The following GLRX5 variants were observed in gnomAD, a reference collection of about 807,000 sequenced individuals.
GLRX5 encodes the protein glutaredoxin 5.
GLRX5 carries 10 observed loss-of-function variants against 13.8 expected under a neutral mutation model. The observed-to-expected ratio is 0.72, with a 90% CI of 0.45 to 1.23. GLRX5 has a LOEUF of 1.23. Ranked by LOEUF, GLRX5 falls within the 50% of genes most tolerant of loss-of-function variation. The pLI, the probability that GLRX5 is intolerant of heterozygous loss-of-function variation, is 0.00. For synonymous variants in GLRX5, 98 were observed against 101.1 expected (o/e 0.97, Z 0.18); for missense variants, 233 against 215.2 (o/e 1.08, Z -0.52).
chr14:95,537,182 C>G (rs1437449008), intron 1 of GLRX5, among the ~76,000 whole-genome samples: 1 of 152,136 alleles, frequency 6.6e-6, no homozygotes, highest in African/African-American at 2.4e-5. Context: ...TTTATTTTCT[C>G]TTGTTTAATA....
rs1891344853 is a variant in GLRX5, at chr14:95,535,289, G to A, written c.200G>A (p.Cys67Tyr). 1 of 1,565,800 alleles carries A rather than the reference G, an allele frequency of 6.4e-7. No homozygotes were observed. The highest frequency in any genetic ancestry group is 2.3e-5 in the East Asian group (1 of 43,074). ...FLKGTPEQPQ[C>Y]GFSNAVVQIL... ...AAGGGGACGCCGGAGCAGCCCCAGT[G>A]CGGCTTCAGCAACGCCGTGGTGCAG... Residue 67 changes from cysteine (C) to tyrosine (Y), a missense_variant, in exon 1 of 2, where the codon TGC becomes TAC. By Grantham distance (194) the Cys-to-Tyr change is radical. Transcript: ENST00000331334.
intron 1 of GLRX5, among the ~76,000 whole-genome samples, chr14:95,540,741 C>T (rs1313914157): frequency 6.6e-6 from 1 of 152,214 alleles, no homozygotes; most frequent in South Asian, 2.1e-4. Context: ...TCTGAAGCTA[C>T]TGTAGTGAGG....
chr14:95,541,360 T>C (rs1274643544), intron 1 of GLRX5, among the ~76,000 whole-genome samples: 1 of 152,224 alleles, frequency 6.6e-6, no homozygotes, highest in Non-Finnish European at 1.5e-5. Context: ...TAGGAAGCAA[T>C]TGGGTATTTC....
At position 95,543,978 on chromosome 14, in the gene GLRX5, C is replaced by T; in HGVS notation, c.327C>T (p.Ile109=). 1.2e-6 allele frequency: 2 copies of T among 1,614,050 alleles called. No homozygotes were observed. The highest frequency in any genetic ancestry group is 1.7e-6 in the Non-Finnish European group (2 of 1,179,880). ...GIKDYSNWPT[I]PQVYLNGEFV... ...AAGACTATTCCAACTGGCCCACCATCCCGCAAGTGTACCTCAATGGCGAGT... is the reference window on the plus strand; with the variant it reads ...AAGACTATTCCAACTGGCCCACCATTCCGCAAGTGTACCTCAATGGCGAGT... The change falls in exon 2 of 2, where the codon ATC becomes ATT. Residue 109 remains isoleucine, a synonymous_variant. Coordinates refer to ENST00000331334, the MANE Select transcript of GLRX5 (RefSeq NM_016417.3).
intron 1 of GLRX5, 110 bp downstream of exon 1, chr14:95,535,494 G>T: frequency 1.8e-6 from 2 of 1,097,102 alleles, no homozygotes; most frequent in South Asian, 1.4e-5. Flanking sequence ...TCCATCCGCC[G>T]GGGTCTGTCT....
intron 1 of GLRX5, among the ~76,000 whole-genome samples, chr14:95,536,744 T>C (rs562478981): frequency 6.6e-6 from 1 of 152,340 alleles, no homozygotes; most frequent in Non-Finnish European, 1.5e-5. Context: ...TTGATGGTTT[T>C]CAAATGTATT....
Position 95,544,071 on chromosome 14 carries a change from G to A in GLRX5, c.420G>A (p.Lys140=), listed in dbSNP as rs1353083317. 6.2e-7 allele frequency: 1 copy of A among 1,614,062 alleles called. No individual in the cohort carries two copies. The highest frequency in any genetic ancestry group is 1.1e-5 in the South Asian group (1 of 91,086). The part of the protein sequence containing the change: ...QNGDLVEELK[K]LGIHSALLDE... ...GGGACTTGGTGGAAGAACTGAAAAA[G>A]CTGGGGATCCACTCCGCCCTTTTAG... is the stretch of plus-strand genomic sequence containing the variant. Residue 140 remains lysine, a synonymous_variant, in exon 2 of 2, where the codon AAG becomes AAA. Coordinates refer to ENST00000331334, the MANE Select transcript of GLRX5 (RefSeq NM_016417.3).
In GLRX5 at chr14:95,544,236, CT is replaced by C. The variant is rs2139652121; in HGVS notation, c.*112del. 1 of 831,124 alleles carries C rather than the reference CT, an allele frequency of 1.2e-6. No homozygotes were observed. The highest frequency in any genetic ancestry group is 2.7e-5 in the East Asian group (1 of 37,522). The allele number at this position is 831,124 out of a possible 1,614,324, so 51.5% of individuals were successfully genotyped here. A position where few individuals can be genotyped will look rare whatever the true frequency, so the allele number is the denominator to read the frequency against. On this transcript the variant is annotated 3_prime_UTR_variant, in exon 2 of 2. Transcript: ENST00000331334. The stretch of plus-strand genomic sequence containing the variant: ...ACTATTGAGACCGCAACTGCTTGCA[CT>C]GATCATTTTGGTTCGTGAGCAGTTG...
rs561034641 is a variant in GLRX5 at position 95,535,401 on chromosome 14, G to A, written c.295+17G>A. ...TCCGACAAGGTCAGGCCAGTGTGCCGGGCAGGCGCCCTCCGCCCCGGGCCC... is the reference window on the plus strand; with the variant it reads ...TCCGACAAGGTCAGGCCAGTGTGCCAGGCAGGCGCCCTCCGCCCCGGGCCC... On this transcript the variant is annotated intron_variant, in intron 1 of 1. Coordinates refer to ENST00000331334, the MANE Select transcript of GLRX5 (RefSeq NM_016417.3). 4.7e-5 allele frequency: 72 copies of A among 1,543,824 alleles called. No individual in the cohort carries two copies. The African/African-American group carries it at 9.0e-4, about 19-fold the overall frequency.
At chr14:95,543,575 A>G (rs1470401479) in intron 1 of GLRX5, 3 of 315,726 alleles carry the variant, frequency 9.5e-6, no homozygotes, top group East Asian at 1.6e-4. Flanking sequence ...ATCTTATGTG[A>G]CTTGCATTAC....
Position 95,544,196 on chromosome 14 carries a change from C to A in GLRX5, c.*71C>A. 7.0e-7 allele frequency: 1 copy of A among 1,419,342 alleles called. No homozygotes were observed. Among genetic ancestry groups the A allele is most frequent in the Non-Finnish European group, 9.8e-7 (1 of 1,018,958 alleles). The allele number at this position is 1,419,342 out of a possible 1,614,324, so 87.9% of individuals were successfully genotyped here. A position where few individuals can be genotyped will look rare whatever the true frequency, so the allele number is the denominator to read the frequency against. ...GAGACTCACTGCCAGAAAAGCCTTA[C>A]CCATTTTGGTTTTCACTATTGAGAC... On this transcript the variant is annotated 3_prime_UTR_variant, in exon 2 of 2. Coordinates refer to ENST00000331334, the MANE Select transcript of GLRX5 (RefSeq NM_016417.3).
chr14:95,540,282 A>G lies in GLRX5; in HGVS notation c.296-3665A>G, dbSNP rs182610231. Among the ~76,000 whole-genome samples the G allele has an allele frequency of 1.6e-3, 239 of 152,292 alleles. 1 individual carries two copies. The highest frequency in any genetic ancestry group is 5.7e-3 in the African/African-American group (236 of 41,548). On this transcript the variant is annotated intron_variant, in intron 1 of 1. Coordinates refer to ENST00000331334, the MANE Select transcript of GLRX5 (RefSeq NM_016417.3). The stretch of plus-strand genomic sequence containing the variant: ...TTTCTGTTGCCTTTCTCAGAAAAGC[A>G]TTACTGTGAAGGGTGGGTGGTGGAG...
Position 95,544,142 on chromosome 14 carries a change from G to A in GLRX5, c.*17G>A, listed in dbSNP as rs778764679. The A allele has an allele frequency of 7.5e-6, 12 of 1,606,190 alleles. No individual in the cohort carries two copies. The highest frequency in any genetic ancestry group is 6.7e-5 in the East Asian group (3 of 44,798). ...TCCAAGTGAGGGCGGCCAAGTCCTC[G>A]CTGAGCAGAGAGGGAGCCGTTCATG... On this transcript the variant is annotated 3_prime_UTR_variant, in exon 2 of 2. Transcript: ENST00000331334.
chr14:95,536,855 AGTTG>A (rs1891390381), intron 1 of GLRX5, among the ~76,000 whole-genome samples: 6 of 152,198 alleles, frequency 3.9e-5, no homozygotes, highest in African/African-American at 1.4e-4. Flanking sequence ...AAGCATGTTG[AGTTG>A]AGGAGTCGAG....
intron 1 of GLRX5, among the ~76,000 whole-genome samples, chr14:95,541,356 G>A (rs538955152): frequency 4.8e-4 from 73 of 152,310 alleles, no homozygotes; most frequent in African/African-American, 1.7e-3. Flanking sequence ...TCTATAGGAA[G>A]CAATTGGGTA....
At chr14:95,535,495 G>T in intron 1 of GLRX5, 111 bp downstream of exon 1, 1 of 1,086,432 alleles carries the variant, frequency 9.2e-7, no homozygotes, top group Non-Finnish European at 1.3e-6. Flanking sequence ...CCATCCGCCG[G>T]GGTCTGTCTG....
At chr14:95,537,801 A>G (rs1300149291) in intron 1 of GLRX5, among the ~76,000 whole-genome samples, 1 of 152,208 alleles carries the variant, frequency 6.6e-6, no homozygotes, top group Non-Finnish European at 1.5e-5. Context: ...CAGGAGTGTG[A>G]TACAGACACA....
At chr14:95,535,456 T>C (rs1257993072) in intron 1 of GLRX5, 72 bp downstream of exon 1, 2 of 1,413,854 alleles carry the variant, frequency 1.4e-6, no homozygotes, top group Non-Finnish European at 9.6e-7. Context: ...GCCGAGGGGT[T>C]CCGCCGCGCC....
At chr14:95,536,048 A>G (rs1351515491) in intron 1 of GLRX5, among the ~76,000 whole-genome samples, 1 of 152,208 alleles carries the variant, frequency 6.6e-6, no homozygotes, top group Non-Finnish European at 1.5e-5. Context: ...ACTCAAGCAC[A>G]GGGCTGAATT....
Sources: allele counts gnomAD v4.1 joint callset (sites outside exome capture counted in the v4.1 genomes callset), GRCh38; gene constraint gnomAD v4.1.1; transcripts MANE v1.5; gene names NCBI Gene and HGNC (gene_info 2026-07-23, HGNC 2026-07-21).